Variants in SHISA7 observed in about 807,000 individuals in gnomAD.
The protein encoded by SHISA7 is shisa family member 7.
In SHISA7, 6 loss-of-function variants were observed where a neutral mutation model predicts 23.9. That is an observed-to-expected ratio of 0.25 (90% CI 0.14 to 0.50). The LOEUF (loss-of-function observed/expected upper bound fraction) is 0.50. SHISA7 is among the 20% of genes least tolerant of loss of function. The pLI is 0.98. For synonymous variants in SHISA7, 386 were observed against 398.3 expected (o/e 0.97, Z 0.37); for missense variants, 671 against 801.1 (o/e 0.84, Z 1.96).
At chr19:55,440,980 C>G (rs897912262) in intron 1 of SHISA7, among the ~76,000 whole-genome samples, 1 of 152,150 alleles carries the variant, frequency 6.6e-6, no homozygotes, top group Non-Finnish European at 1.5e-5. Context: ...GCTGCCTTAA[C>G]TCGTGTGGAA....
chr19:55,433,280 C>G lies in SHISA7; in HGVS notation c.1493G>C (p.Gly498Ala). ...PAWMSDAGGG[G>A]GTLARRPPFQ... ...GGGCGGCCTGCGGGCCAGTGTGCCC[C>G]CGCCCCCGCCGGCGTCGGACATCCA... Residue 498 changes from glycine (G) to alanine (A), a missense_variant, in exon 4 of 4, where the codon GGG (glycine) becomes GCG (alanine). Transcript: ENST00000376325. The surrounding 1 kb of genome is among the most constrained non-coding windows in gnomAD (Gnocchi z 8.4). 6.6e-7 allele frequency: 1 copy of G among 1,507,422 alleles called. No homozygotes were observed. The highest frequency in any genetic ancestry group is 8.8e-7 in the Non-Finnish European group (1 of 1,135,296). The allele number at this position is 1,507,422 out of a possible 1,614,324, so 93.4% of individuals were successfully genotyped here. A position where few individuals can be genotyped will look rare whatever the true frequency, so the allele number is the denominator to read the frequency against.
chr19:55,442,900 CG>C lies in SHISA7; in HGVS notation c.-38del. ...GGGGTCGCACTGGGCCGCCAGGCTG[CG>C]GGGAGAACGAGAGCAGAGGTTGGAG... is the stretch of plus-strand genomic sequence containing the variant. On this transcript the variant is annotated 5_prime_UTR_variant, in exon 1 of 4. Coordinates refer to ENST00000376325, the MANE Select transcript of SHISA7 (RefSeq NM_001145176.2). 2 of 1,189,224 alleles carry C rather than the reference CG, an allele frequency of 1.7e-6. No individual in the cohort carries two copies. The highest frequency in any genetic ancestry group is 2.1e-6 in the Non-Finnish European group (2 of 956,510). The allele number at this position is 1,189,224 out of a possible 1,614,324, so 73.7% of individuals were successfully genotyped here.
intron 1 of SHISA7, 124 bp downstream of exon 1, chr19:55,442,069 G>A: frequency 1.0e-6 from 1 of 989,768 alleles, no homozygotes; most frequent in Non-Finnish European, 1.4e-6. Context: ...CTACGCCGGC[G>A]GCCGCCACCT....
chr19:55,433,945 T>G lies in SHISA7; in HGVS notation c.977-149A>C. ...GCTAGCTGTGAGGCCAAAATGCAGATTCCCAGGCCCAGCCCACAATGCTGG... is the reference window on the plus strand; with the variant it reads ...GCTAGCTGTGAGGCCAAAATGCAGAGTCCCAGGCCCAGCCCACAATGCTGG... On this transcript the variant is annotated intron_variant, in intron 3 of 3. Transcript: ENST00000376325. This position sits in a 1 kb window ranked among gnomAD's most constrained non-coding sequence, Gnocchi z 8.4. 3 of 866,436 alleles carry G rather than the reference T, an allele frequency of 3.5e-6. No homozygotes were observed. Among genetic ancestry groups the G allele is most frequent in the Non-Finnish European group, 4.7e-6 (3 of 633,444 alleles). The allele number at this position is 866,436 out of a possible 1,614,324, so 53.7% of individuals were successfully genotyped here.
At position 55,434,791 on chromosome 19, in the gene SHISA7, GGT is replaced by G. The variant is rs577758754; in HGVS notation, c.977-997_977-996del. 4.0e-3 allele frequency among the ~76,000 whole-genome samples: 522 copies of G among 128,904 alleles called. 3 individuals carry two copies. The highest frequency in any genetic ancestry group is 9.0e-3 in the African/African-American group (299 of 33,296). 84.6% of individuals were successfully genotyped at this position (128,904 alleles called of 152,430 possible). On this transcript the variant is annotated intron_variant, in intron 3 of 3. Coordinates refer to ENST00000376325, the MANE Select transcript of SHISA7 (RefSeq NM_001145176.2). ...TGTGTGGTGTGTGTATGGTGTGTGTGGTGTGTGTGTGCGTGTGTGCATGGTGT... is the reference window on the plus strand; with the variant it reads ...TGTGTGGTGTGTGTATGGTGTGTGTGGTGTGTGTGCGTGTGTGCATGGTGT...
chr19:55,438,986 TC>T (rs1471487740), intron 2 of SHISA7, among the ~76,000 whole-genome samples: 5 of 152,172 alleles, frequency 3.3e-5, no homozygotes, highest in African/African-American at 1.2e-4. Flanking sequence ...CCCTGATGTG[TC>T]CTCTCCCTCC....
At position 55,433,675 on chromosome 19, in the gene SHISA7, C is replaced by T; in HGVS notation, c.1098G>A (p.Trp366Ter). 6.7e-7 allele frequency: 1 copy of T among 1,485,314 alleles called. No individual in the cohort carries two copies. The highest frequency in any genetic ancestry group is 8.9e-7 in the Non-Finnish European group (1 of 1,125,290). 92.0% of individuals were successfully genotyped at this position (1,485,314 alleles called of 1,614,324 possible). Reference protein sequence around the residue: ...GTGGGYRMEAWGGPEELGLAP... With the variant: ...GTGGGYRMEA The stretch of plus-strand genomic sequence containing the variant: ...CCAGGCCCAGCTCCTCTGGGCCGCC[C>T]CAGGCCTCCATGCGATAGCCGCCCC... The change falls in exon 4 of 4, where the codon TGG becomes TGA. Residue 366 changes from tryptophan (W) to a stop codon, truncating the protein, a stop_gained. Transcript: ENST00000376325. LOFTEE classifies it low-confidence loss of function (END_TRUNC). This position sits in a 1 kb window ranked among gnomAD's most constrained non-coding sequence, Gnocchi z 8.4.
intron 1 of SHISA7, 75 bp downstream of exon 1, chr19:55,442,118 C>T (rs1985611000): frequency 2.2e-6 from 3 of 1,389,788 alleles, no homozygotes; most frequent in Admixed American, 4.8e-5. Context: ...GCAGCCCCTC[C>T]TCCTCGGATG....
rs1256053824 is a variant in SHISA7 at position 55,443,286 on chromosome 19, A to G, written c.-423T>C. ...CGAGGCGAGGCGCGATGTAAGGAGA[A>G]GAAACGGGGGCGGCGAAGAGGAGAG... On this transcript the variant is annotated 5_prime_UTR_variant, in exon 1 of 4. Transcript: ENST00000376325. Among the ~76,000 whole-genome samples the G allele has an allele frequency of 6.9e-6, 1 of 144,798 alleles. No homozygotes were observed. Among genetic ancestry groups the G allele is most frequent in the Non-Finnish European group, 1.5e-5 (1 of 65,992 alleles). 95.0% of individuals were successfully genotyped at this position (144,798 alleles called of 152,430 possible).
chr19:55,435,245 CGTGT>C (rs749649211), intron 3 of SHISA7, among the ~76,000 whole-genome samples: 1 of 56,490 alleles, frequency 1.8e-5, no homozygotes, highest in Non-Finnish European at 3.2e-5. Context: ...TGCGTGTGTG[CGTGT>C]GTGTGGTGTG....
intron 3 of SHISA7, among the ~76,000 whole-genome samples, chr19:55,437,167 C>CA (rs1222651480): frequency 2.0e-5 from 3 of 152,132 alleles, no homozygotes; most frequent in African/African-American, 7.2e-5. Context: ...GCAGCCTGAA[C>CA]ATCTGCAGGG....
rs182441549 is a variant in SHISA7, at chr19:55,436,393, A to G, written c.976+1212T>C. ...GCCGATGTGGGTGGATCACAAGGTC[A>G]GGAGTTTGAGACCAGCCTCACCAAC... On this transcript the variant is annotated intron_variant, in intron 3 of 3. Coordinates refer to ENST00000376325, the MANE Select transcript of SHISA7 (RefSeq NM_001145176.2). 1.5e-3 allele frequency among the ~76,000 whole-genome samples: 225 copies of G among 152,002 alleles called. 5 individuals are homozygous for G. In the East Asian group the frequency reaches 0.03, roughly 20 times the overall value.
chr19:55,435,181 TTGTGTGGTGTGTATGTG>T lies in SHISA7; in HGVS notation c.977-1402_977-1386del, dbSNP rs1351308595. ...TGGTGTGTGTGTATGGTGTGTGTGGTTGTGTGGTGTGTATGTGTGTGTGGTGTGTGTATGGTGTGTGT... is the reference window on the plus strand; with the variant it reads ...TGGTGTGTGTGTATGGTGTGTGTGGTTGTGTGGTGTGTGTATGGTGTGTGT... On this transcript the variant is annotated intron_variant, in intron 3 of 3. Transcript: ENST00000376325. Among the ~76,000 whole-genome samples the T allele has an allele frequency of 1.9e-3, 73 of 38,372 alleles. No individual in the cohort carries two copies. The East Asian group carries it at 0.045, about 24-fold the overall frequency. The allele number at this position is 38,372 out of a possible 152,430, so 25.2% of individuals were successfully genotyped here. A position where few individuals can be genotyped will look rare whatever the true frequency, so the allele number is the denominator to read the frequency against.
chr19:55,438,870 AC>A (rs1555754014), intron 2 of SHISA7, among the ~76,000 whole-genome samples: 116 of 124,286 alleles, frequency 9.3e-4, no homozygotes, highest in African/African-American at 1.3e-3. Flanking sequence ...AGTTCTTAGC[AC>A]CCCCCCCCCT....
At position 55,440,639 on chromosome 19, in the gene SHISA7, G is replaced by A; in HGVS notation, c.798C>T (p.Leu266=). The A allele has an allele frequency of 1.6e-6, 2 of 1,249,856 alleles. No individual in the cohort carries two copies. Among genetic ancestry groups the A allele is most frequent in the Non-Finnish European group, 2.0e-6 (2 of 988,262 alleles). 77.4% of individuals were successfully genotyped at this position (1,249,856 alleles called of 1,614,324 possible). ...DSMPPRTPKN[L]YNTVKTPNLD... Reference sequence around the variant, plus strand: ...GGTTGGGGGTCTTCACGGTGTTGTAGAGGTTCTTGGGCGTCCTGGGGGGCA... The same window carrying A: ...GGTTGGGGGTCTTCACGGTGTTGTAAAGGTTCTTGGGCGTCCTGGGGGGCA... The change falls in exon 2 of 4, where the codon CTC becomes CTT. Residue 266 remains leucine, a synonymous_variant. Transcript: ENST00000376325.
chr19:55,437,887 C>T, intron 2 of SHISA7, 133 bp from the exon 3 acceptor site: 2 of 1,133,662 alleles, frequency 1.8e-6, no homozygotes, highest in Admixed American at 3.0e-5. Context: ...CCCAGGAGTG[C>T]AGGCCCCCAG....
intron 3 of SHISA7, among the ~76,000 whole-genome samples, chr19:55,435,667 C>T (rs1183536144): frequency 2.0e-5 from 3 of 147,046 alleles, no homozygotes; most frequent in Admixed American, 1.4e-4. Context: ...GGGAGGCTGA[C>T]GTCGGAGGAT....
chr19:55,439,057 G>T (rs890272076), intron 2 of SHISA7, among the ~76,000 whole-genome samples: 1 of 152,088 alleles, frequency 6.6e-6, no homozygotes, highest in Non-Finnish European at 1.5e-5. Context: ...CAGCCTCACC[G>T]AGGTAACTGC....
Position 55,433,928 on chromosome 19 carries a change from T to A in SHISA7, c.977-132A>T. 9.3e-7 allele frequency: 1 copy of A among 1,078,672 alleles called. No homozygotes were observed. Among genetic ancestry groups the A allele is most frequent in the Non-Finnish European group, 1.2e-6 (1 of 826,492 alleles). 66.8% of individuals were successfully genotyped at this position (1,078,672 alleles called of 1,614,324 possible). On this transcript the variant is annotated intron_variant, in intron 3 of 3. Transcript: ENST00000376325. This position sits in a 1 kb window ranked among gnomAD's most constrained non-coding sequence, Gnocchi z 8.4. ...AGGATCCTGGGCATCAGGCTAGCTG[T>A]GAGGCCAAAATGCAGATTCCCAGGC...
Sources: gnomAD v4.1 joint callset for allele counts (sites outside exome capture counted in the v4.1 genomes callset) on GRCh38, gnomAD v4.1.1 for gene constraint, Gnocchi (gnomAD v3.1) non-coding constraint, MANE v1.5 for transcripts, NCBI Gene and HGNC (gene_info 2026-07-23, HGNC 2026-07-21) for gene names.